The following SDK1 variants were observed in gnomAD, a reference collection of about 807,000 sequenced individuals.
The protein encoded by SDK1 is sidekick cell adhesion molecule 1.
Under a neutral mutation model 245.5 loss-of-function variants are expected in SDK1, and 157 were observed. The observed-to-expected ratio is 0.64, with a 90% confidence interval of 0.56 to 0.73. The LOEUF is 0.73. Ranked by LOEUF, SDK1 falls within the 30% of genes least tolerant of loss-of-function variation. The probability of loss-of-function intolerance (pLI) is 0.00; values close to 1 mark genes in which losing one functional copy is unlikely to be tolerated. For missense variants in SDK1, 3,583 were observed against 3,002.3 expected, an observed-to-expected ratio of 1.19 and a Z score of -4.52; for synonymous variants, 1,647 against 1,278.5, an observed-to-expected ratio of 1.29 and a Z score of -6.15.
At chr7:4,249,610 C>G (rs1251112590) in intron 44 of SDK1, among the ~76,000 whole-genome samples, 2 of 152,184 alleles carry the variant, frequency 1.3e-5, no homozygotes, top group Non-Finnish European at 2.9e-5. Context: ...CCATAGAGTC[C>G]CAGCTAAGAA....
chr7:3,787,779 C>G (rs961466090), intron 4 of SDK1, among the ~76,000 whole-genome samples: 3 of 152,208 alleles, frequency 2.0e-5, no homozygotes, highest in African/African-American at 7.2e-5. Context: ...AGCAAGTCAA[C>G]TCTCTCTGCT....
intron 4 of SDK1, among the ~76,000 whole-genome samples, chr7:3,676,278 G>C (rs2116620): frequency 0.74 from 110,996 of 150,886 alleles, 42,024 homozygotes; most frequent in African/African-American, 0.94. Context: ...CTTGTCCTCC[G>C]AAAGTGCTGG....
At chr7:4,246,454 A>T (rs927797379) in intron 44 of SDK1, among the ~76,000 whole-genome samples, 2 of 152,088 alleles carry the variant, frequency 1.3e-5, no homozygotes, top group Admixed American at 1.3e-4. Context: ...GGCTGCCATA[A>T]AAATTGGTGG....
rs140564397 is a variant in SDK1 at position 3,999,125 on chromosome 7, A to AAC, written c.2131+11818_2131+11819dup. 4.2e-4 allele frequency among the ~76,000 whole-genome samples: 63 copies of AAC among 151,282 alleles called. No homozygotes were observed. The East Asian group carries it at 5.0e-3, about 12-fold the overall frequency. Reference sequence around the variant, plus strand: ...TAAAAATAGGAGATATCTCTCCCCAAACACACACACACACACGCACACACA... The same window carrying AAC: ...TAAAAATAGGAGATATCTCTCCCCAAACACACACACACACACACGCACACACA... On this transcript the variant is annotated intron_variant, in intron 14 of 44. Transcript: ENST00000404826.
intron 1 of SDK1, among the ~76,000 whole-genome samples, chr7:3,324,043 T>C (rs1024773812): frequency 3.9e-5 from 6 of 152,098 alleles, no homozygotes; most frequent in Non-Finnish European, 8.8e-5. Context: ...GAAGTAAGCA[T>C]GAGAGAAATG....
At chr7:4,199,834 G>A (rs79118659) in intron 35 of SDK1, among the ~76,000 whole-genome samples, 32 of 152,180 alleles carry the variant, frequency 2.1e-4, no homozygotes, top group Non-Finnish European at 4.0e-4. Flanking sequence ...TGTTCTTGAG[G>A]CACCTGTACT....
chr7:3,894,033 G>A (rs1227773019), intron 5 of SDK1, among the ~76,000 whole-genome samples: 1 of 152,164 alleles, frequency 6.6e-6, no homozygotes, highest in Admixed American at 6.5e-5. Context: ...AAAGACATGG[G>A]AAGTTTTGTA....
At chr7:3,583,265 C>T (rs1431616795) in intron 1 of SDK1, among the ~76,000 whole-genome samples, 1 of 152,198 alleles carries the variant, frequency 6.6e-6, no homozygotes, top group African/African-American at 2.4e-5. Flanking sequence ...TAACATTCTC[C>T]ATCTTTCCGG....
rs192325889 is a variant in SDK1, at chr7:3,936,956, T to C, written c.848-13967T>C. 1.5e-3 allele frequency among the ~76,000 whole-genome samples: 234 copies of C among 152,180 alleles called. 1 individual carries two copies. Among genetic ancestry groups the C allele is most frequent in the African/African-American group, 5.5e-3 (229 of 41,532 alleles). On this transcript the variant is annotated intron_variant, in intron 5 of 44. Transcript: ENST00000404826. The stretch of plus-strand genomic sequence containing the variant: ...TTTCAGAGAATGCCACACGGTCAGG[T>C]GTAGCCGAAGCTCAGGAATGTTGGA...
At chr7:3,549,788 C>T (rs1431456858) in intron 1 of SDK1, among the ~76,000 whole-genome samples, 1 of 152,104 alleles carries the variant, frequency 6.6e-6, no homozygotes, top group Non-Finnish European at 1.5e-5. Flanking sequence ...CTACCATTTC[C>T]TTCTGCTTGT....
chr7:3,743,735 C>A (rs1401466166), intron 4 of SDK1, among the ~76,000 whole-genome samples: 1 of 152,010 alleles, frequency 6.6e-6, no homozygotes, highest in Non-Finnish European at 1.5e-5. Context: ...TATATATCAC[C>A]ACTGTGTGTA....
chr7:3,530,684 G>A (rs1261872653), intron 1 of SDK1, among the ~76,000 whole-genome samples: 2 of 152,174 alleles, frequency 1.3e-5, no homozygotes, highest in African/African-American at 4.8e-5. Context: ...GAATTATTGT[G>A]AATATGAAGT....
At chr7:3,442,299 A>T (rs1044507150) in intron 1 of SDK1, among the ~76,000 whole-genome samples, 5 of 152,196 alleles carry the variant, frequency 3.3e-5, no homozygotes, top group African/African-American at 1.2e-4. Flanking sequence ...GATTATAGTA[A>T]GGAAGCCAAG....
At chr7:3,996,647 T>C (rs1403005507) in intron 14 of SDK1, among the ~76,000 whole-genome samples, 2 of 152,222 alleles carry the variant, frequency 1.3e-5, no homozygotes, top group Admixed American at 1.3e-4. Flanking sequence ...TCTAATTAGT[T>C]ATTGTAGGAA....
intron 5 of SDK1, among the ~76,000 whole-genome samples, chr7:3,883,615 C>T (rs1583510052): frequency 1.3e-5 from 2 of 152,128 alleles, no homozygotes; most frequent in South Asian, 4.1e-4. Flanking sequence ...GGCCTTTGAC[C>T]TCTGTTCGAA....
intron 4 of SDK1, among the ~76,000 whole-genome samples, chr7:3,718,545 A>C (rs1191571165): frequency 8.3e-6 from 1 of 120,042 alleles, no homozygotes; most frequent in East Asian, 2.2e-4. Flanking sequence ...ATAAATAAAT[A>C]AATAAATAAA....
rs762707240 is a variant in SDK1, at chr7:3,969,388, G to A, written c.1678G>A (p.Gly560Ser). Residue 560 changes from glycine (G) to serine (S), a missense_variant, in exon 11 of 45, where the codon GGC becomes AGC. Coordinates refer to ENST00000404826, the MANE Select transcript of SDK1 (RefSeq NM_152744.4). ...CACCTGCTATGCGGCCAACACAGAG[G>A]GCTCCCTGAATGCATCGGCCACGCT... ...NYTCYAANTE[G>S]SLNASATLTV... 2 of 1,607,810 alleles carry A rather than the reference G, an allele frequency of 1.2e-6. No homozygotes were observed. Among genetic ancestry groups the A allele is most frequent in the Non-Finnish European group, 1.7e-6 (2 of 1,177,276 alleles).
intron 17 of SDK1, among the ~76,000 whole-genome samples, chr7:4,029,103 G>A (rs1321196939): frequency 3.1e-5 from 4 of 130,648 alleles, no homozygotes; most frequent in South Asian, 2.7e-4. Flanking sequence ...TCCGAGGTGG[G>A]TGGGGGTCAC....
At chr7:3,791,429 G>C (rs1198148681) in intron 4 of SDK1, among the ~76,000 whole-genome samples, 1 of 152,206 alleles carries the variant, frequency 6.6e-6, no homozygotes, top group East Asian at 1.9e-4. Context: ...TGAGCATAAG[G>C]AAAGACTGAC....
Sources: allele counts gnomAD v4.1 joint callset (sites outside exome capture counted in the v4.1 genomes callset), GRCh38; gene constraint gnomAD v4.1.1; transcripts MANE v1.5; gene names NCBI Gene and HGNC (gene_info 2026-07-23, HGNC 2026-07-21).